The following FCHSD2 variants were observed in gnomAD, a reference collection of about 807,000 sequenced individuals.
The protein encoded by FCHSD2 is F-BAR and double SH3 domains protein 2.
In FCHSD2, 38 loss-of-function variants were observed where a neutral mutation model predicts 108.1. The observed-to-expected ratio is 0.35, with a 90% confidence interval of 0.27 to 0.46. The LOEUF (loss-of-function observed/expected upper bound fraction) is 0.46, where lower values mean the gene tolerates loss of function less well. Among genes scored for constraint, FCHSD2 ranks in the 20% least tolerant of loss-of-function variants. FCHSD2 has a pLI of 1.00. For missense variants in FCHSD2, 751 were observed against 897.8 expected, an observed-to-expected ratio of 0.84 and a Z score of 2.09; for synonymous variants, 279 against 314.7, an observed-to-expected ratio of 0.89 and a Z score of 1.20.
intron 3 of FCHSD2, among the ~76,000 whole-genome samples, chr11:73,069,247 G>A (rs1447596271): frequency 5.5e-5 from 8 of 144,748 alleles, no homozygotes; most frequent in African/African-American, 1.8e-4. Context: ...GGAGGCAGAG[G>A]TTGCTGTGAG....
chr11:72,892,889 C>A (rs1240882787), intron 10 of FCHSD2, among the ~76,000 whole-genome samples: 1 of 124,062 alleles, frequency 8.1e-6, no homozygotes, highest in African/African-American at 3.1e-5. Context: ...CAGGTGTGAG[C>A]CACCGTGCGT....
rs1861271478 is a variant in FCHSD2, at chr11:73,142,246, GGCCGCCTGC to G, written c.-378_-370del. 6.6e-6 allele frequency: 1 copy of G among 152,276 alleles called. No homozygotes were observed. The highest frequency in any genetic ancestry group is 1.4e-5 in the Non-Finnish European group (1 of 70,152). The allele number at this position is 152,276 out of a possible 1,614,324, so 9.4% of individuals were successfully genotyped here. A position where few individuals can be genotyped will look rare whatever the true frequency, so the allele number is the denominator to read the frequency against. The stretch of plus-strand genomic sequence containing the variant: ...AGCCGCGTTGTCCGCGCTCCCGGTC[GGCCGCCTGC>G]GCCGCCGCTCCCGGCGGACGCAGCG... On this transcript the variant is annotated 5_prime_UTR_variant, in exon 1 of 20. Coordinates refer to ENST00000409418, the MANE Select transcript of FCHSD2 (RefSeq NM_014824.3).
At position 73,141,867 on chromosome 11, in the gene FCHSD2, G is replaced by C; in HGVS notation, c.11C>G (p.Pro4Arg). The C allele has an allele frequency of 1.3e-6, 2 of 1,544,998 alleles. No homozygotes were observed. The highest frequency in any genetic ancestry group is 1.7e-6 in the Non-Finnish European group (2 of 1,145,884). Residue 4 changes from proline (P) to arginine (R), a missense_variant, in exon 1 of 20, where the codon CCG becomes CGG. Pro to Arg is a moderately radical substitution (Grantham distance 103). Transcript: ENST00000409418. The stretch of plus-strand genomic sequence containing the variant: ...CAGCTGCGCCCTTACCTTCCTCGGC[G>C]GCGGCTGCATGATGCTGAAGGGACA... MQPPPRKVKVTQEL... is the reference protein window; with the variant it reads MQPRPRKVKVTQEL...
At chr11:72,962,993 T>A (rs1482509817) in intron 8 of FCHSD2, among the ~76,000 whole-genome samples, 1 of 152,174 alleles carries the variant, frequency 6.6e-6, no homozygotes, top group Non-Finnish European at 1.5e-5. Context: ...CTTACCTGTG[T>A]GAGCTGGCAA....
At chr11:72,890,067 T>C in intron 10 of FCHSD2, 122 bp from the exon 11 acceptor site, 1 of 619,548 alleles carries the variant, frequency 1.6e-6, no homozygotes, top group South Asian at 1.9e-5. Flanking sequence ...CACGCTCCAC[T>C]ACTGCTGGAA....
At chr11:72,971,080 A>C (rs1038511821) in intron 8 of FCHSD2, among the ~76,000 whole-genome samples, 12 of 152,326 alleles carry the variant, frequency 7.9e-5, no homozygotes, top group Admixed American at 7.2e-4. Context: ...TGCCCAAAGT[A>C]TAGACTTGAA....
intron 2 of FCHSD2, among the ~76,000 whole-genome samples, chr11:73,132,217 A>G (rs781274003): frequency 4.6e-5 from 7 of 152,218 alleles, no homozygotes; most frequent in African/African-American, 7.2e-5. Context: ...ATGAAACACG[A>G]TAACTTCCTT....
chr11:72,968,045 C>T (rs1223533413), intron 8 of FCHSD2, among the ~76,000 whole-genome samples: 2 of 147,588 alleles, frequency 1.4e-5, no homozygotes, highest in African/African-American at 5.1e-5. Flanking sequence ...GAGCCGAGAT[C>T]GCACCACTGC....
At chr11:72,887,437 TG>T in intron 12 of FCHSD2, 32 bp downstream of exon 12, 1 of 1,404,366 alleles carries the variant, frequency 7.1e-7, no homozygotes, top group South Asian at 1.2e-5. Flanking sequence ...TCATTAGACC[TG>T]GGCAAAATGC....
chr11:73,018,068 C>A (rs1858013354), intron 3 of FCHSD2, among the ~76,000 whole-genome samples: 1 of 152,066 alleles, frequency 6.6e-6, no homozygotes, highest in East Asian at 1.9e-4. Context: ...ATTATGAACT[C>A]ATGTATTTTA....
In FCHSD2 at chr11:73,140,019, C is replaced by CTA. The variant is rs755462537; in HGVS notation, c.119+10_119+11dup. On this transcript the variant is annotated intron_variant, in intron 2 of 19. Coordinates refer to ENST00000409418, the MANE Select transcript of FCHSD2 (RefSeq NM_014824.3). ...CAAACAGAAGTCCTTGAACTATTTA[C>CTA]TATAGCCTTACCTCATATCTTCAAG... 4 of 1,466,468 alleles carry CTA rather than the reference C, an allele frequency of 2.7e-6. No homozygotes were observed. The South Asian group carries it at 3.8e-5, about 14-fold the overall frequency. 90.8% of individuals were successfully genotyped at this position (1,466,468 alleles called of 1,614,324 possible).
chr11:72,991,414 GA>G, intron 5 of FCHSD2, among the ~76,000 whole-genome samples: 1 of 152,274 alleles, frequency 6.6e-6, no homozygotes, highest in South Asian at 2.1e-4. Context: ...AACAAAAAAA[GA>G]GAATTTTAGA....
At chr11:73,019,013 C>A (rs1175206465) in intron 3 of FCHSD2, among the ~76,000 whole-genome samples, 2 of 152,074 alleles carry the variant, frequency 1.3e-5, no homozygotes, top group Admixed American at 1.3e-4. Flanking sequence ...ATATGCCAGG[C>A]AACATATGGG....
intron 8 of FCHSD2, among the ~76,000 whole-genome samples, chr11:72,971,579 G>A (rs941675920): frequency 1.3e-5 from 2 of 152,166 alleles, no homozygotes; most frequent in African/African-American, 4.8e-5. Context: ...CAAAGGACCT[G>A]AGAGCACCTC....
At chr11:73,084,723 T>C (rs1483762955) in intron 2 of FCHSD2, among the ~76,000 whole-genome samples, 2 of 152,246 alleles carry the variant, frequency 1.3e-5, no homozygotes, top group Non-Finnish European at 2.9e-5. Flanking sequence ...TTAACATTTA[T>C]GATACTGGAA....
chr11:73,124,582 C>T (rs1308110957), intron 2 of FCHSD2, among the ~76,000 whole-genome samples: 5 of 151,980 alleles, frequency 3.3e-5, no homozygotes, highest in African/African-American at 1.2e-4. Context: ...ATGGTGAAAC[C>T]CCGCCTCTAC....
chr11:72,907,604 T>TTG (rs1274780820), intron 9 of FCHSD2, among the ~76,000 whole-genome samples: 21 of 146,608 alleles, frequency 1.4e-4, no homozygotes, highest in Admixed American at 9.6e-4. Context: ...CGTGGGTTTT[T>TTG]TTTTTTTTTT....
intron 9 of FCHSD2, among the ~76,000 whole-genome samples, chr11:72,903,255 C>G (rs1043877345): frequency 6.6e-6 from 1 of 151,986 alleles, no homozygotes; most frequent in Non-Finnish European, 1.5e-5. Context: ...CTCGCTCTGT[C>G]GCCTGGGCTG....
chr11:73,141,917 A>C lies in FCHSD2; in HGVS notation c.-40T>G. On this transcript the variant is annotated 5_prime_UTR_variant, in exon 1 of 20. Coordinates refer to ENST00000409418, the MANE Select transcript of FCHSD2 (RefSeq NM_014824.3). ...ATCAATCCTCCCCGACGGCAGCGTT[A>C]GCAAGGACCAGGAGGAGGAGGAGGG... The C allele has an allele frequency of 6.5e-7, 1 of 1,539,030 alleles. No homozygotes were observed. The highest frequency in any genetic ancestry group is 8.7e-7 in the Non-Finnish European group (1 of 1,143,916).
Sources: gnomAD v4.1 joint callset for allele counts (sites outside exome capture counted in the v4.1 genomes callset) on GRCh38, gnomAD v4.1.1 for gene constraint, MANE v1.5 for transcripts, NCBI Gene and HGNC (gene_info 2026-07-23, HGNC 2026-07-21) for gene names.